Variants in PCDHGA7 observed in about 807,000 individuals in gnomAD.
PCDHGA7 encodes protocadherin gamma-A7.
In PCDHGA7, 44 loss-of-function variants were observed where a neutral mutation model predicts 58.3. That is an observed-to-expected ratio of 0.75 (90% CI 0.59 to 0.97). The LOEUF (loss-of-function observed/expected upper bound fraction) is 0.97. Among genes scored for constraint, PCDHGA7 ranks in the 50% least tolerant of loss-of-function variants. The pLI, the probability that PCDHGA7 is intolerant of heterozygous loss-of-function variation, is 0.00. For missense variants in PCDHGA7, 1,266 were observed against 1,188.7 expected (o/e 1.06, Z -0.96); for synonymous variants, 516 against 504.2 (o/e 1.02, Z -0.31).
rs1780218340 is a variant in PCDHGA7, at chr5:141,384,568, G to A, written c.1669G>A (p.Asp557Asn). The change falls in exon 1 of 4, where the codon GAC (aspartate) becomes AAC (asparagine). Residue 557 changes from aspartate to asparagine, a missense_variant. By Grantham distance (23) the Asp-to-Asn change is conservative. Transcript: ENST00000518325. ...SLSLFVLDQN[D>N]NPPEILYPAL... ...GAGCCTGTTCGTGCTGGACCAGAAT[G>A]ACAACCCGCCCGAGATCCTGTACCC... 6.2e-7 allele frequency: 1 copy of A among 1,614,118 alleles called. No homozygotes were observed. The highest frequency in any genetic ancestry group is 8.5e-7 in the Non-Finnish European group (1 of 1,180,054).
chr5:141,403,210 C>G (rs369033480), intron 1 of PCDHGA7: 1 of 1,613,946 alleles, frequency 6.2e-7, no homozygotes, highest in Admixed American at 1.7e-5. Flanking sequence ...CCTTGGTCAC[C>G]GCGGGTAGGA....
intron 1 of PCDHGA7, among the ~76,000 whole-genome samples, chr5:141,435,885 C>T (rs2097784639): frequency 6.6e-6 from 1 of 152,088 alleles, no homozygotes; most frequent in Non-Finnish European, 1.5e-5. Context: ...TTGGAAACCC[C>T]TTAGAGAATG....
rs371821042 is a variant in PCDHGA7, at chr5:141,421,764, T to C, written c.2424+36441T>C. The C allele has an allele frequency of 8.7e-6, 14 of 1,613,782 alleles. No individual in the cohort carries two copies. The African/African-American group carries it at 1.5e-4, about 17-fold the overall frequency. ...ACCAGCTCAGCCCTAATAATTACTT[T>C]TCCTTGCAACTGCGGGGCAGAACGG... On this transcript the variant is annotated intron_variant, in intron 1 of 3. Transcript: ENST00000518325.
intron 1 of PCDHGA7, among the ~76,000 whole-genome samples, chr5:141,456,276 C>T (rs1319517390): frequency 1.3e-5 from 2 of 152,146 alleles, no homozygotes; most frequent in South Asian, 4.1e-4. Flanking sequence ...CTACTTCCTG[C>T]TGAAAAGGGG....
In PCDHGA7 at chr5:141,383,069, G is replaced by T; in HGVS notation, c.170G>T (p.Arg57Leu). Reference protein sequence around the residue: ...DIAKDLGLEPRELAERGVRII... With the variant: ...DIAKDLGLEPLELAERGVRII... ...GCCAAGGACCTGGGGCTGGAGCCCC[G>T]GGAGCTGGCGGAGCGCGGAGTCCGC... The change falls in exon 1 of 4, where the codon CGG becomes CTG. Residue 57 changes from arginine (R) to leucine (L), a missense_variant. Coordinates refer to ENST00000518325, the MANE Select transcript of PCDHGA7 (RefSeq NM_018920.4). The T allele has an allele frequency of 6.2e-7, 1 of 1,613,886 alleles. No homozygotes were observed. The highest frequency in any genetic ancestry group is 8.5e-7 in the Non-Finnish European group (1 of 1,179,902).
In PCDHGA7 at chr5:141,383,308, G is replaced by T; in HGVS notation, c.409G>T (p.Glu137Ter). The T allele has an allele frequency of 6.2e-7, 1 of 1,613,976 alleles. No individual in the cohort carries two copies. The highest frequency in any genetic ancestry group is 8.5e-7 in the Non-Finnish European group (1 of 1,179,894). The change falls in exon 1 of 4, where the codon GAA (glutamate) becomes TAA (stop). Residue 137 changes from glutamate (E) to a stop codon, truncating the protein, a stop_gained. Coordinates refer to ENST00000518325, the MANE Select transcript of PCDHGA7 (RefSeq NM_018920.4). LOFTEE classifies it high-confidence loss of function. ...NDNVPRFLTE[E>*]INVKIMENTA... ...CAACGTTCCAAGATTCTTGACGGAAGAAATAAATGTAAAAATAATGGAGAA... is the reference window on the plus strand; with the variant it reads ...CAACGTTCCAAGATTCTTGACGGAATAAATAAATGTAAAAATAATGGAGAA...
At chr5:141,475,983 C>T in intron 1 of PCDHGA7, 2 of 1,049,240 alleles carry the variant, frequency 1.9e-6, no homozygotes, top group Non-Finnish European at 2.8e-6. Context: ...GAACAGCCGG[C>T]GAGCAAATCA....
chr5:141,455,148 A>G (rs6897410), intron 1 of PCDHGA7, among the ~76,000 whole-genome samples: 9,268 of 149,002 alleles, frequency 0.062, 567 homozygotes, highest in African/African-American at 0.16. Flanking sequence ...TTAAATAAAT[A>G]TTAGTTTGTT....
chr5:141,499,572 T>C (rs2099792782), intron 2 of PCDHGA7, among the ~76,000 whole-genome samples: 1 of 152,178 alleles, frequency 6.6e-6, no homozygotes, highest in Admixed American at 6.5e-5. Flanking sequence ...CAGCTTCAAC[T>C]AATGCCTTAT....
intron 1 of PCDHGA7, chr5:141,478,196 C>T: frequency 6.2e-7 from 1 of 1,614,068 alleles, no homozygotes; most frequent in Middle Eastern, 1.6e-4. Context: ...CACCTTTTAT[C>T]TACTTCTTTC....
At chr5:141,398,496 C>G (rs1435117425) in intron 1 of PCDHGA7, 2 of 1,608,668 alleles carry the variant, frequency 1.2e-6, no homozygotes, top group Admixed American at 1.7e-5. Context: ...ATGTGGAGAT[C>G]GAGGACATTA....
Position 141,487,298 on chromosome 5 carries a change from G to T in PCDHGA7, c.2425-7509G>T. 6.2e-7 allele frequency: 1 copy of T among 1,614,072 alleles called. No individual in the cohort carries two copies. Among genetic ancestry groups the T allele is most frequent in the Non-Finnish European group, 8.5e-7 (1 of 1,180,018 alleles). ...TTGCTTTGTCTCCTTTGGCTCATTC[G>T]TGGCACTACTCTCTAAGTGTCTTCG... On this transcript the variant is annotated intron_variant, in intron 1 of 3. Coordinates refer to ENST00000518325, the MANE Select transcript of PCDHGA7 (RefSeq NM_018920.4). This position sits in a 1 kb window ranked among gnomAD's most constrained non-coding sequence, Gnocchi z 5.0.
intron 1 of PCDHGA7, chr5:141,418,787 G>A: frequency 6.2e-7 from 1 of 1,613,794 alleles, no homozygotes; most frequent in Non-Finnish European, 8.5e-7. Context: ...TTTGGATTTT[G>A]AAGAAGTAGA....
In PCDHGA7 at chr5:141,432,510, C is replaced by A; in HGVS notation, c.2424+47187C>A. 1 of 1,614,140 alleles carries A rather than the reference C, an allele frequency of 6.2e-7. No homozygotes were observed. The highest frequency in any genetic ancestry group is 8.5e-7 in the Non-Finnish European group (1 of 1,180,042). On this transcript the variant is annotated intron_variant, in intron 1 of 3. Coordinates refer to ENST00000518325, the MANE Select transcript of PCDHGA7 (RefSeq NM_018920.4). The surrounding 1 kb of genome is among the most constrained non-coding windows in gnomAD (Gnocchi z 6.0). ...GAGCTGGCTCCCCGCTCCGCAGAGCCCGGCTACCTGGTGACCAAGGTGGTG... is the reference window on the plus strand; with the variant it reads ...GAGCTGGCTCCCCGCTCCGCAGAGCACGGCTACCTGGTGACCAAGGTGGTG...
rs909174523 is a variant in PCDHGA7 at position 141,474,102 on chromosome 5, A to AAAC, written c.2425-20695_2425-20693dup. 2.6e-5 allele frequency among the ~76,000 whole-genome samples: 4 copies of AAAC among 152,286 alleles called. No homozygotes were observed. In the East Asian group the frequency reaches 7.7e-4, roughly 29 times the overall value. ...AAAACCAAAAAACAAACAACAACAA[A>AAAC]AACAACAACAACGAAAATCTCAGAA... is the stretch of plus-strand genomic sequence containing the variant. On this transcript the variant is annotated intron_variant, in intron 1 of 3. Coordinates refer to ENST00000518325, the MANE Select transcript of PCDHGA7 (RefSeq NM_018920.4).
Position 141,384,295 on chromosome 5 carries a change from C to G in PCDHGA7, c.1396C>G (p.Pro466Ala). 1.2e-6 allele frequency: 2 copies of G among 1,613,828 alleles called. No homozygotes were observed. Among genetic ancestry groups the G allele is most frequent in the South Asian group, 2.2e-5 (2 of 91,082 alleles). ...CTCAGTCTACATCGCTGAGAACAAC[C>G]CCAGAGGGGCCTCCATTTTCTTAGT... ...SYSVYIAENNPRGASIFLVTA... is the reference protein window; with the variant it reads ...SYSVYIAENNARGASIFLVTA... Residue 466 changes from proline to alanine, a missense_variant, in exon 1 of 4, where the codon CCC (proline) becomes GCC (alanine). Physicochemically the swap from Pro to Ala is conservative, Grantham distance 27 (BLOSUM62 -1). Coordinates refer to ENST00000518325, the MANE Select transcript of PCDHGA7 (RefSeq NM_018920.4).
intron 1 of PCDHGA7, chr5:141,400,525 G>A: frequency 6.2e-7 from 1 of 1,613,908 alleles, no homozygotes; most frequent in Non-Finnish European, 8.5e-7. Context: ...TCCTGAGTTG[G>A]TGAGTTTCAT....
rs1013319688 is a variant in PCDHGA7 at position 141,385,172 on chromosome 5, C to A, written c.2273C>A (p.Ser758Tyr). The A allele has an allele frequency of 1.2e-6, 2 of 1,614,210 alleles. No homozygotes were observed. Among genetic ancestry groups the A allele is most frequent in the Non-Finnish European group, 8.5e-7 (1 of 1,180,036 alleles). The change falls in exon 1 of 4, where the codon TCC becomes TAC. Residue 758 changes from serine (S) to tyrosine (Y), a missense_variant. By Grantham distance (144) the Ser-to-Tyr change is moderately radical. Coordinates refer to ENST00000518325, the MANE Select transcript of PCDHGA7 (RefSeq NM_018920.4). Reference protein sequence around the residue: ...AFLQTYSHEVSLTADSRKSHL... With the variant: ...AFLQTYSHEVYLTADSRKSHL... The stretch of plus-strand genomic sequence containing the variant: ...CTGCAGACCTATTCCCATGAGGTCT[C>A]CCTCACCGCGGACTCTCGGAAGAGT...
In PCDHGA7 at chr5:141,431,243, A is replaced by G; in HGVS notation, c.2424+45920A>G. 1 of 1,614,154 alleles carries G rather than the reference A, an allele frequency of 6.2e-7. No homozygotes were observed. Among genetic ancestry groups the G allele is most frequent in the Non-Finnish European group, 8.5e-7 (1 of 1,180,034 alleles). ...TCTACCCCACGCCTGGGATCCGGAT[A>G]TCGGGAAGAACTCTCTGCAGAGCTA... On this transcript the variant is annotated intron_variant, in intron 1 of 3. Coordinates refer to ENST00000518325, the MANE Select transcript of PCDHGA7 (RefSeq NM_018920.4). This position sits in a 1 kb window ranked among gnomAD's most constrained non-coding sequence, Gnocchi z 4.8.
Sources: gnomAD v4.1 joint callset for allele counts (sites outside exome capture counted in the v4.1 genomes callset) on GRCh38, gnomAD v4.1.1 for gene constraint, Gnocchi (gnomAD v3.1) non-coding constraint, MANE v1.5 for transcripts, NCBI Gene and HGNC (gene_info 2026-07-23, HGNC 2026-07-21) for gene names.